RPS6KA2: variants seen among roughly 807,000 people sequenced by gnomAD.
The protein encoded by RPS6KA2 is ribosomal protein S6 kinase alpha-2.
A neutral mutation model predicts 91.8 loss-of-function variants in RPS6KA2; 42 were observed. The observed-to-expected ratio is 0.46, with a 90% CI of 0.36 to 0.59. The LOEUF is 0.59. Among genes scored for constraint, RPS6KA2 ranks in the 20% least tolerant of loss-of-function variants. The pLI, the probability that RPS6KA2 is intolerant of heterozygous loss-of-function variation, is 0.00. For synonymous variants in RPS6KA2, 414 were observed against 393.6 expected, an observed-to-expected ratio of 1.05 and a Z score of -0.61; for missense variants, 798 against 978.5, an observed-to-expected ratio of 0.82 and a Z score of 2.46.
chr6:166,467,740 G>A (rs1356334653), intron 11 of RPS6KA2, among the ~76,000 whole-genome samples: 1 of 152,206 alleles, frequency 6.6e-6, no homozygotes, highest in African/African-American at 2.4e-5. Context: ...CATCCTCCTT[G>A]TCAGCACAGT....
In RPS6KA2 at chr6:166,662,267, C is replaced by T. The variant is rs1788182883; in HGVS notation, c.124-123483G>A. On this transcript the variant is annotated intron_variant, in intron 2 of 21. Transcript: ENST00000503859. This position sits in a 1 kb window ranked among gnomAD's most constrained non-coding sequence, Gnocchi z 4.3. ...TGGTATTCTTTTTTCTGGGATATTG[C>T]CATTGTAAGATTTGGCTGCTATTAC... Among the ~76,000 whole-genome samples, 1 of 152,042 alleles carries T rather than the reference C, an allele frequency of 6.6e-6. No homozygotes were observed. Among genetic ancestry groups the T allele is most frequent in the Admixed American group, 6.6e-5 (1 of 15,264 alleles).
At chr6:166,632,146 C>T (rs568971089), upstream of RPS6KA2, among the ~76,000 whole-genome samples, 1 of 152,276 alleles carries the variant, frequency 6.6e-6, no homozygotes, top group East Asian at 1.9e-4. Flanking sequence ...TAAGTGAGAT[C>T]ATGGACATTT....
intron 2 of RPS6KA2, among the ~76,000 whole-genome samples, chr6:166,640,518 G>A (rs1048782293): frequency 6.6e-6 from 1 of 152,180 alleles, no homozygotes; most frequent in Non-Finnish European, 1.5e-5. Flanking sequence ...GGGGCTGGGA[G>A]GCAGCACCGC....
chr6:166,682,534 C>T (rs1424047850), intron 2 of RPS6KA2, among the ~76,000 whole-genome samples: 1 of 152,178 alleles, frequency 6.6e-6, no homozygotes, highest in Non-Finnish European at 1.5e-5. Context: ...GCAGGGCCAA[C>T]ATGTCAGGTT....
intron 10 of RPS6KA2, among the ~76,000 whole-genome samples, chr6:166,485,691 T>C (rs1377349276): frequency 1.3e-5 from 2 of 151,874 alleles, no homozygotes; most frequent in East Asian, 1.9e-4. Flanking sequence ...AAACACCGCC[T>C]CCCCCACCTC....
rs2128590355 is a variant in RPS6KA2 at position 166,734,935 on chromosome 6, T to C, written c.123+123265A>G. Among the ~76,000 whole-genome samples, 3 of 152,372 alleles carry C rather than the reference T, an allele frequency of 2.0e-5. 1 individual carries two copies. In the East Asian group the frequency reaches 5.8e-4, roughly 29 times the overall value. ...AGTTCCTATCCTCTTGTTATGGCAA[T>C]CAGTGAAACATTATTCAGTCAGAAA... On this transcript the variant is annotated intron_variant, in intron 2 of 21. Transcript: ENST00000503859.
Position 166,849,282 on chromosome 6 carries a change from C to T in RPS6KA2, c.123+8918G>A. On this transcript the variant is annotated intron_variant, in intron 2 of 21. Coordinates refer to the RPS6KA2 transcript ENST00000503859. The surrounding 1 kb of genome is among the most constrained non-coding windows in gnomAD (Gnocchi z 4.9). Reference sequence around the variant, plus strand: ...TCTACGGTAACCATGCCCCATGCCTCTGCTGGTATGGCCCACGCAGAGCAC... The same window carrying T: ...TCTACGGTAACCATGCCCCATGCCTTTGCTGGTATGGCCCACGCAGAGCAC... Among the ~76,000 whole-genome samples the T allele has an allele frequency of 6.6e-6, 1 of 152,258 alleles. No homozygotes were observed. The highest frequency in any genetic ancestry group is 2.1e-4 in the South Asian group (1 of 4,834).
chr6:166,834,900 T>G (rs1365825203), intron 2 of RPS6KA2, among the ~76,000 whole-genome samples: 1 of 152,098 alleles, frequency 6.6e-6, no homozygotes, highest in Non-Finnish European at 1.5e-5. Context: ...TCTAGAAAAC[T>G]TTTGCCTAAA....
At chr6:166,841,584 C>A (rs972570636) in intron 2 of RPS6KA2, among the ~76,000 whole-genome samples, 6 of 152,256 alleles carry the variant, frequency 3.9e-5, no homozygotes, top group African/African-American at 1.4e-4. Flanking sequence ...TCTGAGATGG[C>A]AGCTCTGATC....
intron 2 of RPS6KA2, among the ~76,000 whole-genome samples, chr6:166,797,969 C>A (rs567072154): frequency 7.2e-5 from 11 of 152,108 alleles, no homozygotes; most frequent in African/African-American, 2.2e-4. Flanking sequence ...GTGAAAAAAA[C>A]CTTGATTTGT....
chr6:166,796,851 C>A (rs768442505), intron 2 of RPS6KA2, among the ~76,000 whole-genome samples: 2 of 151,616 alleles, frequency 1.3e-5, no homozygotes, highest in African/African-American at 2.4e-5. Context: ...ACGAGTCACT[C>A]GCAACTGCAC....
intron 2 of RPS6KA2, among the ~76,000 whole-genome samples, chr6:166,660,460 G>T (rs1412226273): frequency 6.6e-6 from 1 of 151,894 alleles, no homozygotes; most frequent in African/African-American, 2.4e-5. Context: ...AGAGATTACT[G>T]AACAAATATT....
At chr6:166,861,008 C>G (rs1227407601) in intron 1 of RPS6KA2, among the ~76,000 whole-genome samples, 1 of 152,198 alleles carries the variant, frequency 6.6e-6, no homozygotes, top group Non-Finnish European at 1.5e-5. Flanking sequence ...CCATCTAAAA[C>G]AAATGGACTT....
At chr6:166,681,351 A>G (rs570633936) in intron 2 of RPS6KA2, among the ~76,000 whole-genome samples, 1 of 152,236 alleles carries the variant, frequency 6.6e-6, no homozygotes, top group African/African-American at 2.4e-5. Flanking sequence ...AGGCATAGCC[A>G]ATGGCCTAGG....
chr6:166,853,140 T>TA (rs1780790871), intron 2 of RPS6KA2, among the ~76,000 whole-genome samples: 1 of 152,106 alleles, frequency 6.6e-6, no homozygotes, highest in Non-Finnish European at 1.5e-5. Context: ...CTAAGCGCTT[T>TA]AAAAATCCAT....
At chr6:166,824,785 C>CTA (rs1562458538) in intron 2 of RPS6KA2, among the ~76,000 whole-genome samples, 14 of 146,404 alleles carry the variant, frequency 9.6e-5, no homozygotes, top group African/African-American at 2.3e-4. Context: ...ACGTGTGTGT[C>CTA]TGTGTGTGTG....
chr6:166,498,066 C>T (rs1415999208), intron 8 of RPS6KA2, among the ~76,000 whole-genome samples: 7 of 148,118 alleles, frequency 4.7e-5, no homozygotes, highest in African/African-American at 1.7e-4. Flanking sequence ...TTCTGTTAAG[C>T]ACTCTGCCTG....
In RPS6KA2 at chr6:166,418,764, C is replaced by T. The variant is rs141455916; in HGVS notation, c.1821-422G>A. Among the ~76,000 whole-genome samples the T allele has an allele frequency of 2.4e-4, 37 of 152,364 alleles. No individual in the cohort carries two copies. Among genetic ancestry groups the T allele is most frequent in the South Asian group, 8.3e-4 (4 of 4,834 alleles). On this transcript the variant is annotated intron_variant, in intron 18 of 20. Transcript: ENST00000265678. The surrounding 1 kb of genome is among the most constrained non-coding windows in gnomAD (Gnocchi z 4.9). ...TTTGACAAGTTAACTTTTTGAGCCT[C>T]CACTGCAAATGCAGAGTGTATGCAC...
chr6:166,462,870 C>T (rs748956138), intron 11 of RPS6KA2: 1 of 152,396 alleles, frequency 6.6e-6, no homozygotes, highest in African/African-American at 2.4e-5. Context: ...CCAGGGCCTT[C>T]CTTCTGTGCC....
Sources: gnomAD v4.1 joint callset for allele counts (sites outside exome capture counted in the v4.1 genomes callset) on GRCh38, gnomAD v4.1.1 for gene constraint, Gnocchi (gnomAD v3.1) non-coding constraint, MANE v1.5 for transcripts, NCBI Gene and HGNC (gene_info 2026-07-23, HGNC 2026-07-21) for gene names.